Variants in RFX2 observed in about 807,000 individuals in gnomAD.
RFX2 encodes the protein regulatory factor X2.
RFX2 carries 20 observed loss-of-function variants against 87.8 expected under a neutral mutation model. The ratio of observed to expected loss-of-function variants is 0.23; its 90% CI spans 0.16 to 0.33. RFX2 has a LOEUF of 0.33. RFX2 is among the 10% of genes least tolerant of loss of function. The pLI is 1.00. For missense variants in RFX2, 767 were observed against 1,012.3 expected (o/e 0.76, Z 3.29); for synonymous variants, 397 against 431.3 (o/e 0.92, Z 0.98).
intron 1 of RFX2, among the ~76,000 whole-genome samples, chr19:6,092,916 G>A (rs2087960775): frequency 6.6e-6 from 1 of 152,114 alleles, no homozygotes; most frequent in Middle Eastern, 3.2e-3. Context: ...GAGGCAAGGA[G>A]TGGGACGGGG....
Position 6,010,041 on chromosome 19 carries a change from A to C in RFX2, c.1015+95T>G. 1 of 655,006 alleles carries C rather than the reference A, an allele frequency of 1.5e-6. No individual in the cohort carries two copies. Among genetic ancestry groups the C allele is most frequent in the Non-Finnish European group, 2.5e-6 (1 of 395,748 alleles). The allele number at this position is 655,006 out of a possible 1,614,324, so 40.6% of individuals were successfully genotyped here. ...GTCTCGTAAGAAAACTGTCGGAAGC[A>C]GACGCTTAGACACCACTGGTTCTGC... is the stretch of plus-strand genomic sequence containing the variant. On this transcript the variant is annotated intron_variant, in intron 9 of 17. Transcript: ENST00000303657. The surrounding 1 kb of genome is among the most constrained non-coding windows in gnomAD (Gnocchi z 5.0).
At position 6,022,880 on chromosome 19, in the gene RFX2, C is replaced by T. The variant is rs537744654; in HGVS notation, c.597+3283G>A. On this transcript the variant is annotated intron_variant, in intron 6 of 17. Coordinates refer to ENST00000303657, the MANE Select transcript of RFX2 (RefSeq NM_000635.4). The surrounding 1 kb of genome is among the most constrained non-coding windows in gnomAD (Gnocchi z 6.2). Reference sequence around the variant, plus strand: ...CGGCTGGGTCTGGACAATGCTGTCTCGTTTTACCAGGCTCCCAGCACCTGA... The same window carrying T: ...CGGCTGGGTCTGGACAATGCTGTCTTGTTTTACCAGGCTCCCAGCACCTGA... Among the ~76,000 whole-genome samples the T allele has an allele frequency of 5.9e-5, 9 of 152,324 alleles. No homozygotes were observed. Among genetic ancestry groups the T allele is most frequent in the Admixed American group, 1.3e-4 (2 of 15,302 alleles).
At chr19:6,075,272 T>TGGAGGA (rs763598849) in intron 1 of RFX2, among the ~76,000 whole-genome samples, 50 of 149,290 alleles carry the variant, frequency 3.3e-4, no homozygotes, top group African/African-American at 1.0e-3. Flanking sequence ...GAGGAGAAGG[T>TGGAGGA]GGAGGAGGAG....
chr19:6,033,120 G>C (rs933353810), intron 5 of RFX2, among the ~76,000 whole-genome samples: 20 of 152,120 alleles, frequency 1.3e-4, no homozygotes, highest in African/African-American at 4.8e-4. Context: ...TGGGATGACA[G>C]GCATCAGCCA....
At chr19:5,995,459 G>A (rs1045740829) in intron 17 of RFX2, 142 bp downstream of exon 17, 31 of 809,316 alleles carry the variant, frequency 3.8e-5, no homozygotes, top group Admixed American at 3.4e-4. Context: ...CCCACTGTCC[G>A]GATGACAGAT....
At chr19:6,096,038 A>C (rs549173986) in intron 1 of RFX2, among the ~76,000 whole-genome samples, 1 of 152,320 alleles carries the variant, frequency 6.6e-6, no homozygotes, top group Non-Finnish European at 1.5e-5. Flanking sequence ...GGGCCTCAAA[A>C]GCTAAAACAT....
At chr19:6,107,876 T>G (rs1029168168) in intron 1 of RFX2, among the ~76,000 whole-genome samples, 2 of 152,176 alleles carry the variant, frequency 1.3e-5, no homozygotes, top group Non-Finnish European at 2.9e-5. Flanking sequence ...ATACATCACA[T>G]ACACATTATA....
intron 1 of RFX2, among the ~76,000 whole-genome samples, chr19:6,100,712 G>C (rs1360788968): frequency 6.6e-6 from 1 of 151,940 alleles, no homozygotes; most frequent in African/African-American, 2.4e-5. Flanking sequence ...TCCACCATCC[G>C]GCAGTTCGTG....
In RFX2 at chr19:6,010,246, CGG is replaced by C; in HGVS notation, c.903_904del (p.Tyr301Ter). 1 of 1,546,086 alleles carries C rather than the reference CGG, an allele frequency of 6.5e-7. No individual in the cohort carries two copies. Among genetic ancestry groups the C allele is most frequent in the Non-Finnish European group, 8.7e-7 (1 of 1,146,108 alleles). On this transcript the variant is annotated stop_gained and frameshift_variant, in exon 9 of 18. Coordinates refer to ENST00000303657, the MANE Select transcript of RFX2 (RefSeq NM_000635.4). LOFTEE classifies it high-confidence loss of function. This position sits in a 1 kb window ranked among gnomAD's most constrained non-coding sequence, Gnocchi z 5.0. ...GAGGCTGTCCGTCTTCTGGGCTGGC[CGG>C]TACCTAGGCCAGGAACACGCATACC...
chr19:6,012,911 T>G lies in RFX2; in HGVS notation c.899+75A>C. Reference sequence around the variant, plus strand: ...GACTGGGGAGTTATGATGAGTTTGTTTCGTGTTGGAGAAACACCCACCCCT... The same window carrying G: ...GACTGGGGAGTTATGATGAGTTTGTGTCGTGTTGGAGAAACACCCACCCCT... On this transcript the variant is annotated intron_variant, in intron 8 of 17. Transcript: ENST00000303657. The surrounding 1 kb of genome is among the most constrained non-coding windows in gnomAD (Gnocchi z 4.6). 2 of 1,350,162 alleles carry G rather than the reference T, an allele frequency of 1.5e-6. No homozygotes were observed. The highest frequency in any genetic ancestry group is 9.6e-7 in the Non-Finnish European group (1 of 1,041,878). 83.6% of individuals were successfully genotyped at this position (1,350,162 alleles called of 1,614,324 possible). A position where few individuals can be genotyped will look rare whatever the true frequency, so the allele number is the denominator to read the frequency against.
At chr19:6,107,079 T>A (rs910778041) in intron 1 of RFX2, among the ~76,000 whole-genome samples, 2 of 151,514 alleles carry the variant, frequency 1.3e-5, no homozygotes, top group African/African-American at 4.8e-5. Context: ...GCGGATCACA[T>A]GGTCAGGAGA....
rs570213340 is a variant in RFX2, at chr19:6,061,823, A to G, written c.-8-14319T>C. On this transcript the variant is annotated intron_variant, in intron 1 of 17. Coordinates refer to ENST00000303657, the MANE Select transcript of RFX2 (RefSeq NM_000635.4). The surrounding 1 kb of genome is among the most constrained non-coding windows in gnomAD (Gnocchi z 5.2). Reference sequence around the variant, plus strand: ...TTCTTCATCTGAGAAAGGGGCTGGGAGGGGGAAGGGAATGATATAGCTGAT... The same window carrying G: ...TTCTTCATCTGAGAAAGGGGCTGGGGGGGGGAAGGGAATGATATAGCTGAT... Among the ~76,000 whole-genome samples the G allele has an allele frequency of 3.1e-3, 467 of 152,072 alleles. 3 individuals carry two copies. The highest frequency in any genetic ancestry group is 0.011 in the African/African-American group (447 of 41,448).
At chr19:6,102,140 C>T (rs950046566) in intron 1 of RFX2, among the ~76,000 whole-genome samples, 18 of 152,114 alleles carry the variant, frequency 1.2e-4, no homozygotes, top group Admixed American at 3.9e-4. Context: ...TGGCCACACC[C>T]CTCTCCCCCA....
At chr19:6,008,348 A>G in intron 9 of RFX2, 124 bp from the exon 10 acceptor site, 1 of 483,048 alleles carries the variant, frequency 2.1e-6, no homozygotes, top group East Asian at 3.4e-5. Flanking sequence ...CAGTCAGGGA[A>G]TTTGTTTTTT....
At position 6,047,054 on chromosome 19, in the gene RFX2, C is replaced by T. The variant is rs1329925935; in HGVS notation, c.90+353G>A. Among the ~76,000 whole-genome samples the T allele has an allele frequency of 2.0e-5, 3 of 152,040 alleles. No homozygotes were observed. Among genetic ancestry groups the T allele is most frequent in the African/African-American group, 7.3e-5 (3 of 41,372 alleles). ...GTGCTGGGATTACCTGTGTGAGCCA[C>T]TGCACCCGGCCTTACTTCTTAATTC... is the stretch of plus-strand genomic sequence containing the variant. On this transcript the variant is annotated intron_variant, in intron 2 of 17. Transcript: ENST00000303657. This position sits in a 1 kb window ranked among gnomAD's most constrained non-coding sequence, Gnocchi z 4.2.
chr19:6,038,527 CTT>C (rs1194888649), intron 5 of RFX2, among the ~76,000 whole-genome samples: 3 of 151,772 alleles, frequency 2.0e-5, no homozygotes, highest in Admixed American at 2.0e-4. Flanking sequence ...GCAAAGGACA[CTT>C]TTTAGAGAAT....
At position 6,006,353 on chromosome 19, in the gene RFX2, C is replaced by T. The variant is rs113941894; in HGVS notation, c.1402+659G>A. On this transcript the variant is annotated intron_variant, in intron 12 of 17. Transcript: ENST00000303657. ...TTTGTATTTTTTTTAGAAATGGGGTCTCACTATGTTGCCCAGGCTGGTCTC... is the reference window on the plus strand; with the variant it reads ...TTTGTATTTTTTTTAGAAATGGGGTTTCACTATGTTGCCCAGGCTGGTCTC... Among the ~76,000 whole-genome samples the T allele has an allele frequency of 6.8e-3, 1,035 of 152,016 alleles. 19 individuals are homozygous for T. The highest frequency in any genetic ancestry group is 0.024 in the African/African-American group (977 of 41,460).
chr19:6,076,033 T>C (rs558883265), intron 1 of RFX2, among the ~76,000 whole-genome samples: 1 of 152,248 alleles, frequency 6.6e-6, no homozygotes, highest in East Asian at 1.9e-4. Context: ...CGGAGCTTGG[T>C]GTTCACAAAA....
In RFX2 at chr19:6,094,448, G is replaced by A. The variant is rs904584650; in HGVS notation, c.-9+15945C>T. On this transcript the variant is annotated intron_variant, in intron 1 of 17. Coordinates refer to ENST00000303657, the MANE Select transcript of RFX2 (RefSeq NM_000635.4). ...ATGATCACTTTAGAAAATGGACAAC[G>A]CTGAGGTCAGGTGGACCCACGCTAC... Among the ~76,000 whole-genome samples the A allele has an allele frequency of 5.3e-5, 8 of 152,154 alleles. No individual in the cohort carries two copies. The East Asian group carries it at 7.7e-4, about 15-fold the overall frequency.
Sources: gnomAD v4.1 joint callset for allele counts (sites outside exome capture counted in the v4.1 genomes callset) on GRCh38, gnomAD v4.1.1 for gene constraint, Gnocchi (gnomAD v3.1) non-coding constraint, MANE v1.5 for transcripts, NCBI Gene and HGNC (gene_info 2026-07-23, HGNC 2026-07-21) for gene names.